The following CACNA2D1 variants were observed in gnomAD, a reference collection of about 807,000 sequenced individuals.
CACNA2D1 encodes the protein calcium voltage-gated channel auxiliary subunit alpha2delta 1.
Under a neutral mutation model 171.5 loss-of-function variants are expected in CACNA2D1, and 53 were observed. That is an observed-to-expected ratio of 0.31 (90% CI 0.25 to 0.39). The LOEUF (loss-of-function observed/expected upper bound fraction) is 0.39. Among genes scored for constraint, CACNA2D1 ranks in the 10% least tolerant of loss-of-function variants. The pLI is 1.00. For synonymous variants in CACNA2D1, 442 were observed against 443.1 expected (o/e 1.00, Z 0.03); for missense variants, 903 against 1,299.8 (o/e 0.69, Z 4.69).
chr7:81,974,620 GA>G (rs1222541908), intron 24 of CACNA2D1, 68 bp from the exon 25 acceptor site: 2 of 780,832 alleles, frequency 2.6e-6, no homozygotes, highest in African/African-American at 4.3e-5. Context: ...TAAAGGTAGT[GA>G]AAACACTATT....
At chr7:82,123,061 A>T (rs907125747) in intron 5 of CACNA2D1, among the ~76,000 whole-genome samples, 1 of 152,176 alleles carries the variant, frequency 6.6e-6, no homozygotes, top group Non-Finnish European at 1.5e-5. Context: ...GACGACTGGG[A>T]ACCCATGTTT....
intron 3 of CACNA2D1, among the ~76,000 whole-genome samples, chr7:82,172,453 T>C (rs1796110093): frequency 6.9e-6 from 1 of 144,090 alleles, no homozygotes; most frequent in South Asian, 2.2e-4. Context: ...GAAGGCTTTT[T>C]CTTTTTTTCT....
chr7:82,357,041 A>G (rs1820506730), intron 1 of CACNA2D1, among the ~76,000 whole-genome samples: 1 of 152,168 alleles, frequency 6.6e-6, no homozygotes, highest in Non-Finnish European at 1.5e-5. Flanking sequence ...TATTTTATTG[A>G]ATAATTGAAA....
chr7:82,401,315 A>C (rs1393325019), intron 1 of CACNA2D1, among the ~76,000 whole-genome samples: 1 of 151,818 alleles, frequency 6.6e-6, no homozygotes. Flanking sequence ...CCAAATGTCC[A>C]ACAATGATAG....
chr7:82,413,728 G>A (rs1827905500), intron 1 of CACNA2D1, among the ~76,000 whole-genome samples: 1 of 152,078 alleles, frequency 6.6e-6, no homozygotes, highest in South Asian at 2.1e-4. Flanking sequence ...GAGCCTATAA[G>A]TGATCTAAGA....
chr7:82,111,250 T>A (rs1204759344), intron 6 of CACNA2D1, among the ~76,000 whole-genome samples: 1 of 146,808 alleles, frequency 6.8e-6, no homozygotes, highest in East Asian at 2.0e-4. Flanking sequence ...GATGAACTTT[T>A]CCTTGATATA....
chr7:82,219,635 A>G (rs1481913081), intron 3 of CACNA2D1, among the ~76,000 whole-genome samples: 1 of 152,134 alleles, frequency 6.6e-6, no homozygotes, highest in Non-Finnish European at 1.5e-5. Flanking sequence ...AAGAGCAAAG[A>G]CCTAGTCTCA....
At chr7:82,316,396 T>G (rs1039318067) in intron 3 of CACNA2D1, among the ~76,000 whole-genome samples, 4 of 152,156 alleles carry the variant, frequency 2.6e-5, no homozygotes, top group African/African-American at 9.7e-5. Context: ...ACTGAATTTT[T>G]TTTAAAAATC....
rs373999700 is a variant in CACNA2D1, at chr7:82,182,819, C to T, written c.295-12210G>A. Among the ~76,000 whole-genome samples, 8 of 152,068 alleles carry T rather than the reference C, an allele frequency of 5.3e-5. 1 individual carries two copies. The highest frequency in any genetic ancestry group is 1.7e-4 in the African/African-American group (7 of 41,532). ...TTGGGAGGATGAGGAGGGCGGATCA[C>T]GAAGTCGGGAGTTCGAGACCTGTCT... On this transcript the variant is annotated intron_variant, in intron 3 of 38. Coordinates refer to ENST00000356860, the MANE Select transcript of CACNA2D1 (RefSeq NM_000722.4).
chr7:82,013,621 T>G (rs1800064998), intron 13 of CACNA2D1, 111 bp from the exon 14 acceptor site: 1 of 356,186 alleles, frequency 2.8e-6, no homozygotes, highest in South Asian at 8.7e-5. Context: ...AACAATATAT[T>G]TCACTTCAAA....
chr7:82,146,380 TTATATTTATATATATAAAGATA>T (rs1337781786), intron 4 of CACNA2D1, among the ~76,000 whole-genome samples: 232 of 131,152 alleles, frequency 1.8e-3, no homozygotes, highest in African/African-American at 4.8e-3. Context: ...ATATACATAT[TTATATTTATATATATAAAGATA>T]TATATTTATA....
chr7:82,177,606 AT>A (rs34566672), intron 3 of CACNA2D1, among the ~76,000 whole-genome samples: 51,738 of 151,966 alleles, frequency 0.34, 10,606 homozygotes, highest in Non-Finnish European at 0.46. Flanking sequence ...CATTTCTAAG[AT>A]TTTTTTCAGC....
intron 3 of CACNA2D1, among the ~76,000 whole-genome samples, chr7:82,267,879 C>T (rs1808097541): frequency 6.6e-6 from 1 of 152,084 alleles, no homozygotes; most frequent in Admixed American, 6.5e-5. Context: ...TGCCTGTAGT[C>T]TCAGCTACTC....
chr7:82,437,095 G>A (rs931368148), intron 1 of CACNA2D1, among the ~76,000 whole-genome samples: 1 of 152,022 alleles, frequency 6.6e-6, no homozygotes, highest in Non-Finnish European at 1.5e-5. Context: ...TCTGAAACAG[G>A]GAGCACAGAT....
intron 1 of CACNA2D1, among the ~76,000 whole-genome samples, chr7:82,436,808 T>C (rs1830147676): frequency 6.6e-6 from 1 of 152,154 alleles, no homozygotes; most frequent in Admixed American, 6.5e-5. Context: ...ATTTATTTCA[T>C]TGCACCATCC....
At chr7:82,333,843 T>C (rs995613070) in intron 3 of CACNA2D1, among the ~76,000 whole-genome samples, 20 of 152,160 alleles carry the variant, frequency 1.3e-4, no homozygotes, top group African/African-American at 3.9e-4. Context: ...AACACATAAA[T>C]GCAAAAGACA....
In CACNA2D1 at chr7:82,410,487, G is replaced by A. The variant is rs1048258648; in HGVS notation, c.95+32878C>T. On this transcript the variant is annotated intron_variant, in intron 1 of 38. Transcript: ENST00000356860. ...AAAAACTAACGCATGTTAACAGGCA[G>A]TAGAAAAATTACCTCTTTCATGAGC... 5 of 984,582 alleles carry A rather than the reference G, an allele frequency of 5.1e-6. No homozygotes were observed. The African/African-American group carries it at 8.7e-5, about 17-fold the overall frequency. The allele number at this position is 984,582 out of a possible 1,614,324, so 61.0% of individuals were successfully genotyped here.
intron 34 of CACNA2D1, among the ~76,000 whole-genome samples, chr7:81,963,239 C>CT (rs35177183): frequency 3.3e-5 from 5 of 151,916 alleles, no homozygotes; most frequent in African/African-American, 1.2e-4. Context: ...ATTTTAAAAT[C>CT]TTTTTTGCTG....
At chr7:81,998,295 G>A (rs965744715) in intron 18 of CACNA2D1, among the ~76,000 whole-genome samples, 1 of 151,824 alleles carries the variant, frequency 6.6e-6, no homozygotes, top group African/African-American at 2.4e-5. Context: ...CTGATAACTA[G>A]ATTCCAGTAA....
Sources: gnomAD v4.1 joint callset for allele counts (sites outside exome capture counted in the v4.1 genomes callset) on GRCh38, gnomAD v4.1.1 for gene constraint, MANE v1.5 for transcripts, NCBI Gene and HGNC (gene_info 2026-07-23, HGNC 2026-07-21) for gene names.